AFF3: variants seen among roughly 807,000 people sequenced by gnomAD.
The protein encoded by AFF3 is AF4/FMR2 family member 3.
Under a neutral mutation model 129.7 loss-of-function variants are expected in AFF3, and 32 were observed. That is an observed-to-expected ratio of 0.25 (90% CI 0.19 to 0.33). The LOEUF (loss-of-function observed/expected upper bound fraction) is 0.33, where lower values mean the gene tolerates loss of function less well. AFF3 is among the 10% of genes least tolerant of loss of function. The pLI is 1.00. For synonymous variants in AFF3, 644 were observed against 635.4 expected (o/e 1.01, Z -0.20); for missense variants, 1,373 against 1,592.0 (o/e 0.86, Z 2.34).
chr2:100,030,803 T>C (rs559537040), intron 4 of AFF3, among the ~76,000 whole-genome samples: 1 of 152,318 alleles, frequency 6.6e-6, no homozygotes, highest in Non-Finnish European at 1.5e-5. Context: ...TGAGAAAAGC[T>C]AAATATAGAG....
chr2:100,131,354 G>T (rs536124336), intron 1 of AFF3, among the ~76,000 whole-genome samples: 1 of 152,208 alleles, frequency 6.6e-6, no homozygotes, highest in African/African-American at 2.4e-5. Flanking sequence ...TTATATATAT[G>T]AGTCAAATGT....
At chr2:99,987,635 T>G (rs1272808843) in intron 7 of AFF3, among the ~76,000 whole-genome samples, 1 of 152,238 alleles carries the variant, frequency 6.6e-6, no homozygotes, top group South Asian at 2.1e-4. Flanking sequence ...TCTGCATCCT[T>G]AATGAAATTA....
chr2:100,110,674 G>T (rs532694044), intron 2 of AFF3, among the ~76,000 whole-genome samples: 8 of 152,294 alleles, frequency 5.3e-5, no homozygotes, highest in South Asian at 4.1e-4. Flanking sequence ...CCTGCTGGGG[G>T]TCCCCAAGTC....
intron 12 of AFF3, among the ~76,000 whole-genome samples, 195 bp from the exon 13 acceptor site, chr2:99,649,861 C>T (rs1236282604): frequency 1.3e-5 from 2 of 152,160 alleles, no homozygotes; most frequent in African/African-American, 4.8e-5. Flanking sequence ...CCTTCACGGA[C>T]AGTTAACTGA....
chr2:99,901,402 G>A (rs1167762982), intron 7 of AFF3, among the ~76,000 whole-genome samples: 2 of 152,164 alleles, frequency 1.3e-5, no homozygotes, highest in Non-Finnish European at 2.9e-5. Context: ...GCTGTCAAGT[G>A]GGTTCTTCCA....
At chr2:99,623,517 G>A (rs551662006) in intron 13 of AFF3, among the ~76,000 whole-genome samples, 23 of 152,336 alleles carry the variant, frequency 1.5e-4, no homozygotes, top group African/African-American at 4.8e-4. Context: ...CAGGATGGGC[G>A]TGTGATGCCC....
chr2:99,720,327 T>A (rs1375144648), intron 11 of AFF3, among the ~76,000 whole-genome samples: 1 of 152,210 alleles, frequency 6.6e-6, no homozygotes, highest in African/African-American at 2.4e-5. Context: ...GAGTTCTCAC[T>A]CTTGAGATAA....
intron 7 of AFF3, among the ~76,000 whole-genome samples, chr2:99,927,997 T>C (rs558739384): frequency 6.6e-6 from 1 of 152,134 alleles, no homozygotes; most frequent in Non-Finnish European, 1.5e-5. Flanking sequence ...GTTTTAAAAA[T>C]GGGAGTTCCC....
At chr2:99,974,622 T>G (rs1678701601) in intron 7 of AFF3, among the ~76,000 whole-genome samples, 1 of 152,202 alleles carries the variant, frequency 6.6e-6, no homozygotes, top group African/African-American at 2.4e-5. Context: ...CAACCTTTTG[T>G]CTCTCTGACC....
intron 4 of AFF3, among the ~76,000 whole-genome samples, chr2:100,040,312 C>T (rs1685318470): frequency 6.6e-6 from 1 of 152,148 alleles, no homozygotes; most frequent in Admixed American, 6.5e-5. Flanking sequence ...GTGTTCCACC[C>T]AAAGAAAGAC....
At position 99,594,389 on chromosome 2, in the gene AFF3, T is replaced by C. The variant is rs150578549; in HGVS notation, c.1372-100A>G. On this transcript the variant is annotated intron_variant, in intron 14 of 24. Transcript: ENST00000672756. Reference sequence around the variant, plus strand: ...ATCTTGACTTACTTCTCTAAGTATATGAGCAGAAAACGAATGGGCTGGAAG... The same window carrying C: ...ATCTTGACTTACTTCTCTAAGTATACGAGCAGAAAACGAATGGGCTGGAAG... The C allele has an allele frequency of 3.4e-6, 5 of 1,483,942 alleles. No individual in the cohort carries two copies. In the African/African-American group the frequency reaches 5.6e-5, roughly 17 times the overall value. 91.9% of individuals were successfully genotyped at this position (1,483,942 alleles called of 1,614,324 possible).
intron 2 of AFF3, among the ~76,000 whole-genome samples, chr2:100,121,941 A>C (rs1691987707): frequency 6.6e-6 from 1 of 152,096 alleles, no homozygotes; most frequent in Non-Finnish European, 1.5e-5. Context: ...GGGCGCCTGT[A>C]GTCCCAGCTA....
chr2:99,891,760 C>T (rs566704571), intron 7 of AFF3, among the ~76,000 whole-genome samples: 1 of 152,144 alleles, frequency 6.6e-6, no homozygotes, highest in Non-Finnish European at 1.5e-5. Context: ...TCCCACAGCT[C>T]ATAGTTGGTA....
intron 7 of AFF3, among the ~76,000 whole-genome samples, chr2:99,859,601 C>T (rs60975656): frequency 0.14 from 21,913 of 152,166 alleles, 1,768 homozygotes; most frequent in Admixed American, 0.23. Flanking sequence ...TTTGTTTATT[C>T]CTAATTTTTG....
chr2:99,908,110 A>G (rs1367390673), intron 7 of AFF3, among the ~76,000 whole-genome samples: 1 of 152,168 alleles, frequency 6.6e-6, no homozygotes, highest in Non-Finnish European at 1.5e-5. Context: ...CCTCCTGCCT[A>G]TTGGTCTAAA....
intron 13 of AFF3, among the ~76,000 whole-genome samples, chr2:99,623,335 G>C (rs1682227982): frequency 5.3e-5 from 8 of 151,980 alleles, no homozygotes; most frequent in Admixed American, 5.2e-4. Flanking sequence ...AAATACAAAG[G>C]TTCCTCCTTT....
chr2:99,879,987 G>T (rs1371076381), intron 7 of AFF3, among the ~76,000 whole-genome samples: 1 of 152,198 alleles, frequency 6.6e-6, no homozygotes, highest in Non-Finnish European at 1.5e-5. Flanking sequence ...ATGGTTACGT[G>T]TTCATTTAAT....
intron 11 of AFF3, among the ~76,000 whole-genome samples, chr2:99,719,709 T>C (rs371913528): frequency 9.2e-5 from 14 of 152,344 alleles, no homozygotes; most frequent in African/African-American, 3.4e-4. Flanking sequence ...ATTATTTACA[T>C]AGTTTATCTT....
intron 7 of AFF3, among the ~76,000 whole-genome samples, chr2:99,966,259 T>C (rs1677735781): frequency 6.6e-6 from 1 of 152,118 alleles, no homozygotes; most frequent in South Asian, 2.1e-4. Context: ...AAAGATAAAG[T>C]AAAACTTACA....
Sources: allele counts gnomAD v4.1 joint callset (sites outside exome capture counted in the v4.1 genomes callset), GRCh38; gene constraint gnomAD v4.1.1; transcripts MANE v1.5; gene names NCBI Gene and HGNC (gene_info 2026-07-23, HGNC 2026-07-21).